The following ADARB2 variants were observed in gnomAD, a reference collection of about 807,000 sequenced individuals.
The protein encoded by ADARB2 is adenosine deaminase RNA specific B2 (inactive), also known as inactive double-stranded RNA-specific editase B2.
ADARB2 carries 25 observed loss-of-function variants against 62.2 expected under a neutral mutation model. The ratio of observed to expected loss-of-function variants is 0.40; its 90% CI spans 0.29 to 0.56. The LOEUF (loss-of-function observed/expected upper bound fraction) is 0.56. ADARB2 is among the 20% of genes least tolerant of loss of function. The pLI, the probability that ADARB2 is intolerant of heterozygous loss-of-function variation, is 0.43. For synonymous variants in ADARB2, 572 were observed against 500.8 expected, an observed-to-expected ratio of 1.14 and a Z score of -1.90; for missense variants, 1,071 against 1,077.4, an observed-to-expected ratio of 0.99 and a Z score of 0.08.
intron 3 of ADARB2, among the ~76,000 whole-genome samples, chr10:1,315,610 T>G (rs1346140492): frequency 6.6e-6 from 1 of 152,214 alleles, no homozygotes; most frequent in Non-Finnish European, 1.5e-5. Context: ...GGAGGTGCCG[T>G]GGTTGCTCCC....
intron 1 of ADARB2, among the ~76,000 whole-genome samples, chr10:1,579,342 C>T (rs369162192): frequency 5.3e-5 from 8 of 152,086 alleles, no homozygotes; most frequent in Non-Finnish European, 8.8e-5. Context: ...TTATGTGTGC[C>T]GCTGAATCAT....
intron 1 of ADARB2, among the ~76,000 whole-genome samples, chr10:1,619,998 T>C (rs1174853202): frequency 6.6e-6 from 1 of 152,060 alleles, no homozygotes; most frequent in Non-Finnish European, 1.5e-5. Flanking sequence ...AAAATTTAAC[T>C]GCACTAAAAC....
At chr10:1,447,266 GA>G (rs1830981455) in intron 1 of ADARB2, among the ~76,000 whole-genome samples, 1 of 152,188 alleles carries the variant, frequency 6.6e-6, no homozygotes, top group Non-Finnish European at 1.5e-5. Context: ...ACAGGTATCT[GA>G]GATTATCCTG....
intron 1 of ADARB2, among the ~76,000 whole-genome samples, chr10:1,437,271 CAT>C (rs1414639426): frequency 1.3e-4 from 19 of 151,510 alleles, no homozygotes; most frequent in Admixed American, 3.9e-4. Flanking sequence ...CACACATGCA[CAT>C]ATATATATAT....
intron 1 of ADARB2, among the ~76,000 whole-genome samples, chr10:1,651,824 GC>G (rs34064607): frequency 9.7e-6 from 1 of 102,852 alleles, no homozygotes; most frequent in Non-Finnish European, 2.1e-5. Flanking sequence ...CAGGCCCAGG[GC>G]CCCTCAGGGC....
At chr10:1,675,052 G>A (rs868152984) in intron 1 of ADARB2, 1 of 981,754 alleles carries the variant, frequency 1.0e-6, no homozygotes, top group Non-Finnish European at 1.2e-6. Flanking sequence ...TGGGTTTGGG[G>A]GTACATGGAT....
At chr10:1,527,595 T>G (rs1349876364) in intron 1 of ADARB2, among the ~76,000 whole-genome samples, 2 of 152,208 alleles carry the variant, frequency 1.3e-5, no homozygotes, top group Non-Finnish European at 2.9e-5. Flanking sequence ...TAGAAAGACT[T>G]GCTGTAAAAA....
rs1202958140 is a variant in ADARB2, at chr10:1,179,979, C to T, written c.*3214G>A. The T allele has an allele frequency of 1.3e-5, 2 of 151,436 alleles. No individual in the cohort carries two copies. The highest frequency in any genetic ancestry group is 6.6e-5 in the Admixed American group (1 of 15,250). The allele number at this position is 151,436 out of a possible 1,614,324, so 9.4% of individuals were successfully genotyped here. A position where few individuals can be genotyped will look rare whatever the true frequency, so the allele number is the denominator to read the frequency against. ...TTCAGGGTGACAGAAAGTGACCCGTCCCCTACTTGTGTCTTGCCCCCTCAC... is the reference window on the plus strand; with the variant it reads ...TTCAGGGTGACAGAAAGTGACCCGTTCCCTACTTGTGTCTTGCCCCCTCAC... On this transcript the variant is annotated 3_prime_UTR_variant, in exon 10 of 10. Transcript: ENST00000381312.
At chr10:1,671,699 C>G (rs1834387034) in intron 1 of ADARB2, among the ~76,000 whole-genome samples, 1 of 152,144 alleles carries the variant, frequency 6.6e-6, no homozygotes, top group Non-Finnish European at 1.5e-5. Context: ...TGCCACCTTT[C>G]CAGCTGCGAC....
intron 1 of ADARB2, among the ~76,000 whole-genome samples, chr10:1,714,905 GGTTT>G (rs1230125830): frequency 1.3e-5 from 2 of 152,116 alleles, no homozygotes; most frequent in South Asian, 2.1e-4. Flanking sequence ...ACAACGTGCA[GGTTT>G]GTTACATACG....
chr10:1,573,924 C>T (rs1187983225), intron 1 of ADARB2, among the ~76,000 whole-genome samples: 1 of 152,224 alleles, frequency 6.6e-6, no homozygotes, highest in Non-Finnish European at 1.5e-5. Flanking sequence ...AAGACACGTC[C>T]TGCTAACCCT....
At chr10:1,632,302 GCACA>G (rs942128113) in intron 1 of ADARB2, among the ~76,000 whole-genome samples, 1 of 151,662 alleles carries the variant, frequency 6.6e-6, no homozygotes, top group East Asian at 1.9e-4. Flanking sequence ...ACACACATGC[GCACA>G]CACACAGGCA....
intron 1 of ADARB2, among the ~76,000 whole-genome samples, chr10:1,495,781 C>T (rs1831681022): frequency 6.7e-6 from 1 of 148,972 alleles, no homozygotes; most frequent in African/African-American, 2.4e-5. Flanking sequence ...TCATCATCAT[C>T]ATTGGTATAA....
rs927935310 is a variant in ADARB2 at position 1,498,389 on chromosome 10, A to G, written c.101-119229T>C. Among the ~76,000 whole-genome samples the G allele has an allele frequency of 1.8e-4, 28 of 151,570 alleles. No homozygotes were observed. The South Asian group carries it at 5.6e-3, about 30-fold the overall frequency. ...AAACTCTGTCTCAAATAAATAAATA[A>G]ATAAATAAATAAATAAATAAGTAAT... is the stretch of plus-strand genomic sequence containing the variant. On this transcript the variant is annotated intron_variant, in intron 1 of 9. Coordinates refer to ENST00000381312, the MANE Select transcript of ADARB2 (RefSeq NM_018702.4).
chr10:1,587,627 C>A (rs1833197729), intron 1 of ADARB2, among the ~76,000 whole-genome samples: 1 of 152,102 alleles, frequency 6.6e-6, no homozygotes, highest in East Asian at 1.9e-4. Context: ...ATACTGATCT[C>A]TTTCTTGTGC....
At chr10:1,436,226 G>T (rs1246913089) in intron 1 of ADARB2, among the ~76,000 whole-genome samples, 2 of 152,184 alleles carry the variant, frequency 1.3e-5, no homozygotes, top group African/African-American at 4.8e-5. Context: ...AAGCCACTTG[G>T]ATTGATCTGT....
chr10:1,567,651 C>T (rs1376765820), intron 1 of ADARB2, among the ~76,000 whole-genome samples: 2 of 152,196 alleles, frequency 1.3e-5, no homozygotes, highest in African/African-American at 2.4e-5. Flanking sequence ...TGCCCAGGTG[C>T]CTCCACAGCC....
intron 6 of ADARB2, among the ~76,000 whole-genome samples, chr10:1,222,765 AT>A (rs1406440113): frequency 6.7e-6 from 1 of 149,028 alleles, no homozygotes; most frequent in Non-Finnish European, 1.5e-5. Flanking sequence ...GTTCTGTTCC[AT>A]TGGTCTATAT....
intron 6 of ADARB2, among the ~76,000 whole-genome samples, chr10:1,220,294 GTGA>G (rs1331040194): frequency 1.1e-5 from 1 of 93,546 alleles, no homozygotes; most frequent in Non-Finnish European, 2.4e-5. Context: ...GATGGTGGTG[GTGA>G]TGGTGGTGAT....
Sources: gnomAD v4.1 joint callset for allele counts (sites outside exome capture counted in the v4.1 genomes callset) on GRCh38, gnomAD v4.1.1 for gene constraint, MANE v1.5 for transcripts, NCBI Gene and HGNC (gene_info 2026-07-23, HGNC 2026-07-21) for gene names.